The following PLPP4 variants were observed in gnomAD, a reference collection of about 807,000 sequenced individuals.
PLPP4 encodes diacylglycerol pyrophosphate like 2.
In PLPP4, 20 loss-of-function variants were observed where a neutral mutation model predicts 32.2. That is an observed-to-expected ratio of 0.62 (90% CI 0.44 to 0.90). The LOEUF (loss-of-function observed/expected upper bound fraction) is 0.90, where lower values mean the gene tolerates loss of function less well. PLPP4 is among the 40% of genes least tolerant of loss of function. The pLI is 0.00. For synonymous variants in PLPP4, 127 were observed against 133.0 expected, an observed-to-expected ratio of 0.95 and a Z score of 0.31; for missense variants, 257 against 353.1, an observed-to-expected ratio of 0.73 and a Z score of 2.18.
At chr10:120,466,873 C>A (rs1028651144) in intron 1 of PLPP4, among the ~76,000 whole-genome samples, 12 of 152,094 alleles carry the variant, frequency 7.9e-5, no homozygotes, top group Admixed American at 1.3e-4. Context: ...TTTCCTTCCT[C>A]CACCTCCCTC....
chr10:120,467,189 C>T (rs1848366716), intron 1 of PLPP4, among the ~76,000 whole-genome samples: 1 of 82,902 alleles, frequency 1.2e-5, no homozygotes, highest in African/African-American at 3.0e-5. Context: ...CGCCATTCTC[C>T]TGCCTCAGCC....
At chr10:120,504,060 T>A in intron 2 of PLPP4, 134 bp downstream of exon 2, 1 of 641,738 alleles carries the variant, frequency 1.6e-6, no homozygotes, top group Non-Finnish European at 2.7e-6. Context: ...CCCATCAAAT[T>A]AAAATCCAGT....
At chr10:120,539,177 A>AG (rs1847219815) in intron 5 of PLPP4, among the ~76,000 whole-genome samples, 1 of 152,070 alleles carries the variant, frequency 6.6e-6, no homozygotes, top group Non-Finnish European at 1.5e-5. Context: ...GGCTGCCAGA[A>AG]CCCATGCTGC....
At chr10:120,493,261 A>G (rs1315516711) in intron 1 of PLPP4, among the ~76,000 whole-genome samples, 1 of 152,078 alleles carries the variant, frequency 6.6e-6, no homozygotes, top group Non-Finnish European at 1.5e-5. Context: ...TCGTGGGTTC[A>G]CCTAATTGTT....
intron 4 of PLPP4, among the ~76,000 whole-genome samples, chr10:120,519,336 A>G (rs767301600): frequency 1.8e-4 from 28 of 151,932 alleles, no homozygotes; most frequent in African/African-American, 2.9e-4. Context: ...TCTGTTTTCC[A>G]TTTATCTTTC....
At position 120,589,854 on chromosome 10, in the gene PLPP4, G is replaced by A; in HGVS notation, c.*352G>A. On this transcript the variant is annotated 3_prime_UTR_variant, in exon 7 of 7. Coordinates refer to ENST00000398250, the MANE Select transcript of PLPP4 (RefSeq NM_001030059.3). The stretch of plus-strand genomic sequence containing the variant: ...ATAAAACCTCCCACGTGGAAGACTT[G>A]GTGTTGGCCACCCAGCGCAACAAGT... The A allele has an allele frequency of 4.9e-6, 1 of 204,838 alleles. No individual in the cohort carries two copies. Among genetic ancestry groups the A allele is most frequent in the Non-Finnish European group, 9.8e-6 (1 of 101,756 alleles). The allele number at this position is 204,838 out of a possible 1,614,324, so 12.7% of individuals were successfully genotyped here.
At chr10:120,501,729 G>T (rs941871102) in intron 1 of PLPP4, among the ~76,000 whole-genome samples, 2 of 152,212 alleles carry the variant, frequency 1.3e-5, no homozygotes, top group Non-Finnish European at 2.9e-5. Flanking sequence ...CAATGCTGGG[G>T]ACTCCTGGCC....
intron 6 of PLPP4, among the ~76,000 whole-genome samples, chr10:120,577,592 G>A (rs1849279023): frequency 6.6e-6 from 1 of 152,212 alleles, no homozygotes; most frequent in Non-Finnish European, 1.5e-5. Flanking sequence ...TATTCATCCT[G>A]TGTGGGCTGT....
intron 1 of PLPP4, among the ~76,000 whole-genome samples, chr10:120,472,959 A>T: frequency 6.6e-6 from 1 of 151,918 alleles, no homozygotes. Context: ...GTTTTTAGAG[A>T]TTTAGTTTCT....
chr10:120,546,060 G>A (rs1474322742), intron 5 of PLPP4, among the ~76,000 whole-genome samples: 4 of 152,278 alleles, frequency 2.6e-5, no homozygotes, highest in African/African-American at 2.4e-5. Context: ...TTTGCCAGGG[G>A]CTCTCGGGCC....
At chr10:120,497,895 C>G (rs1166982758) in intron 1 of PLPP4, among the ~76,000 whole-genome samples, 1 of 152,146 alleles carries the variant, frequency 6.6e-6, no homozygotes, top group Middle Eastern at 3.4e-3. Flanking sequence ...AAAAAATTAG[C>G]CAGGCGTGGT....
rs775181513 is a variant in PLPP4, at chr10:120,589,768, G to C, written c.*266G>C. 2 of 418,866 alleles carry C rather than the reference G, an allele frequency of 4.8e-6. No individual in the cohort carries two copies. The highest frequency in any genetic ancestry group is 8.5e-6 in the Non-Finnish European group (2 of 234,858). 25.9% of individuals were successfully genotyped at this position (418,866 alleles called of 1,614,324 possible). A position where few individuals can be genotyped will look rare whatever the true frequency, so the allele number is the denominator to read the frequency against. ...GGGGTTTGGGGAGCTTGGCCGATTC[G>C]TCTATCTGAAATGTTTGCTGTAACA... On this transcript the variant is annotated 3_prime_UTR_variant, in exon 7 of 7. Coordinates refer to ENST00000398250, the MANE Select transcript of PLPP4 (RefSeq NM_001030059.3).
At chr10:120,540,223 G>A (rs1320366481) in intron 5 of PLPP4, among the ~76,000 whole-genome samples, 1 of 152,194 alleles carries the variant, frequency 6.6e-6, no homozygotes, top group Non-Finnish European at 1.5e-5. Flanking sequence ...TCTCCCCAGG[G>A]CCTGTCCTGT....
intron 1 of PLPP4, among the ~76,000 whole-genome samples, chr10:120,492,611 G>C (rs920889104): frequency 6.6e-6 from 1 of 152,166 alleles, no homozygotes; most frequent in African/African-American, 2.4e-5. Context: ...AAGAGGGCTC[G>C]GAGGGGACAT....
rs1350031130 is a variant in PLPP4 at position 120,575,250 on chromosome 10, G to A, written c.565G>A (p.Ala189Thr). The change falls in exon 6 of 7, where the codon GCC becomes ACC. Residue 189 changes from alanine (A) to threonine (T), a missense_variant. Transcript: ENST00000398250. Reference protein sequence around the residue: ...LCAAILPLYCAMMIALSRMCD... With the variant: ...LCAAILPLYCTMMIALSRMCD... The stretch of plus-strand genomic sequence containing the variant: ...TGCTGCCATCCTGCCCTTGTACTGC[G>A]CCATGATGATTGCCCTGTCCCGCAT... 13 of 1,613,936 alleles carry A rather than the reference G, an allele frequency of 8.1e-6. No individual in the cohort carries two copies. The highest frequency in any genetic ancestry group is 5.3e-5 in the African/African-American group (4 of 74,922).
chr10:120,588,563 T>C (rs571300525), intron 6 of PLPP4, among the ~76,000 whole-genome samples: 1 of 152,344 alleles, frequency 6.6e-6, no homozygotes, highest in South Asian at 2.1e-4. Context: ...ATCTGCTGGC[T>C]TTTCTGCAGC....
At chr10:120,489,373 C>T (rs1844606454) in intron 1 of PLPP4, among the ~76,000 whole-genome samples, 1 of 152,174 alleles carries the variant, frequency 6.6e-6, no homozygotes, top group Admixed American at 6.5e-5. Flanking sequence ...TGCATTTGTT[C>T]ACAGGGGAGC....
At chr10:120,537,287 C>A (rs186185842) in intron 5 of PLPP4, among the ~76,000 whole-genome samples, 1 of 152,010 alleles carries the variant, frequency 6.6e-6, no homozygotes, top group Non-Finnish European at 1.5e-5. Context: ...ATGGAAACAC[C>A]CTGTCAATGG....
At chr10:120,567,418 T>A (rs1181146252) in intron 5 of PLPP4, among the ~76,000 whole-genome samples, 1 of 152,208 alleles carries the variant, frequency 6.6e-6, no homozygotes, top group Non-Finnish European at 1.5e-5. Flanking sequence ...CTTTGGAGAG[T>A]TGGCTGAAGC....
Sources: gnomAD v4.1 joint callset for allele counts (sites outside exome capture counted in the v4.1 genomes callset) on GRCh38, gnomAD v4.1.1 for gene constraint, MANE v1.5 for transcripts, NCBI Gene and HGNC (gene_info 2026-07-23, HGNC 2026-07-21) for gene names.